Variants in ANXA8 observed in about 807,000 individuals in gnomAD.
ANXA8 encodes the protein annexin A8.
In ANXA8, 9 loss-of-function variants were observed where a neutral mutation model predicts 26.8. The ratio of observed to expected loss-of-function variants is 0.34; its 90% CI spans 0.20 to 0.59. The LOEUF is 0.59. Among genes scored for constraint, ANXA8 ranks in the 20% least tolerant of loss-of-function variants. The pLI, the probability that ANXA8 is intolerant of heterozygous loss-of-function variation, is 0.84. For synonymous variants in ANXA8, 39 were observed against 94.8 expected, an observed-to-expected ratio of 0.41 and a Z score of 3.42; for missense variants, 83 against 238.5, an observed-to-expected ratio of 0.35 and a Z score of 4.29.
At chr10:47,626,766 T>A in the ANXA8 span, among the ~76,000 whole-genome samples, 3 of 150,444 alleles carry the variant, frequency 2.0e-5, no homozygotes, top group East Asian at 3.9e-4. Flanking sequence ...CTATTGTCTA[T>A]GTTCATCAGG....
At chr10:47,743,315 C>CATATATATATACAT in the ANXA8 span, among the ~76,000 whole-genome samples, 1 of 60,014 alleles carries the variant, frequency 1.7e-5, no homozygotes, top group Non-Finnish European at 3.7e-5. Context: ...TATATATACA[C>CATATATATATACAT]ATATATATAT....
chr10:47,705,753 T>C, the ANXA8 span, among the ~76,000 whole-genome samples: 1 of 152,190 alleles, frequency 6.6e-6, no homozygotes, highest in East Asian at 1.9e-4. Flanking sequence ...TTTTTATTGA[T>C]GTAGGGAAAT....
the ANXA8 span, among the ~76,000 whole-genome samples, chr10:47,594,585 G>A: frequency 2.1e-5 from 3 of 143,360 alleles, no homozygotes; most frequent in Admixed American, 1.4e-4. Context: ...CTGAACTTCT[G>A]GAACTGAAAA....
the ANXA8 span, among the ~76,000 whole-genome samples, chr10:47,674,836 C>T: frequency 4.0e-5 from 6 of 151,798 alleles, no homozygotes; most frequent in Non-Finnish European, 7.4e-5. Flanking sequence ...GCTTTGGCCA[C>T]TGGGAGCTCT....
chr10:47,576,732 C>A, the ANXA8 span, among the ~76,000 whole-genome samples: 1 of 150,490 alleles, frequency 6.6e-6, no homozygotes, highest in East Asian at 1.9e-4. Flanking sequence ...GTTGCCCAGG[C>A]CAGTCTTGAA....
chr10:47,493,727 G>A, the ANXA8 span, among the ~76,000 whole-genome samples: 3 of 150,494 alleles, frequency 2.0e-5, no homozygotes, highest in Non-Finnish European at 2.9e-5. Flanking sequence ...GGGGACAACT[G>A]CCCTTCCCCC....
the ANXA8 span, among the ~76,000 whole-genome samples, chr10:47,698,446 T>C: frequency 6.8e-6 from 1 of 147,276 alleles, no homozygotes. Context: ...AATGGTGATA[T>C]CTTATATAAC....
chr10:47,490,377 G>A, the ANXA8 span: 40 of 145,026 alleles, frequency 2.8e-4, 1 homozygote, highest in African/African-American at 9.2e-4. Flanking sequence ...AAGTCCAGCG[G>A]AGTCAAAGGA....
At chr10:47,763,788 T>G in the ANXA8 span, among the ~76,000 whole-genome samples, 1 of 107,848 alleles carries the variant, frequency 9.3e-6, no homozygotes. Flanking sequence ...GGAGTGTGTG[T>G]GTGGGGGGGG....
the ANXA8 span, among the ~76,000 whole-genome samples, chr10:47,554,148 A>AAT: frequency 7.8e-6 from 1 of 128,890 alleles, no homozygotes; most frequent in African/African-American, 3.1e-5. Flanking sequence ...TAAATAAATA[A>AAT]AAATAAAGCC....
chr10:47,951,687 T>C, the ANXA8 span, among the ~76,000 whole-genome samples: 901 of 149,928 alleles, frequency 6.0e-3, 26 homozygotes, highest in African/African-American at 0.021. Context: ...GGTGTACGCA[T>C]GTAATCCCCG....
At chr10:47,623,186 G>A in the ANXA8 span, among the ~76,000 whole-genome samples, 1 of 106,664 alleles carries the variant, frequency 9.4e-6, no homozygotes. Flanking sequence ...CTTAGTAGGA[G>A]GTAGAAGTAA....
the ANXA8 span, among the ~76,000 whole-genome samples, chr10:47,735,633 A>G: frequency 6.0e-5 from 9 of 149,006 alleles, no homozygotes; most frequent in East Asian, 4.1e-4. Flanking sequence ...AGCCTCCTGC[A>G]TGTATCTACA....
At chr10:47,546,495 C>T in the ANXA8 span, among the ~76,000 whole-genome samples, 9 of 130,920 alleles carry the variant, frequency 6.9e-5, no homozygotes, top group South Asian at 2.5e-4. Context: ...CTCCGCCCCC[C>T]GGATTCATGC....
the ANXA8 span, among the ~76,000 whole-genome samples, chr10:47,778,617 T>C: frequency 6.6e-6 from 1 of 151,790 alleles, no homozygotes; most frequent in Non-Finnish European, 1.5e-5. Flanking sequence ...TTCTCTTTAT[T>C]TTTTTAAATA....
chr10:47,619,734 C>T, the ANXA8 span, among the ~76,000 whole-genome samples: 18 of 113,690 alleles, frequency 1.6e-4, 2 homozygotes, highest in African/African-American at 5.6e-4. Flanking sequence ...AACATAGCTT[C>T]TGGCATTTAT....
chr10:47,748,673 GA>G, the ANXA8 span, among the ~76,000 whole-genome samples: 18 of 151,886 alleles, frequency 1.2e-4, no homozygotes, highest in Non-Finnish European at 2.5e-4. Flanking sequence ...TTCTTTTGTA[GA>G]GGGGGGGGAT....
chr10:47,469,327 G>A (rs1446154498), intron 11 of ANXA8, among the ~76,000 whole-genome samples: 5 of 152,052 alleles, frequency 3.3e-5, no homozygotes, highest in African/African-American at 1.2e-4. Flanking sequence ...CTGGGGGCAG[G>A]GCCGGGGGTG....
At chr10:47,968,452 T>C in the ANXA8 span, among the ~76,000 whole-genome samples, 6 of 140,550 alleles carry the variant, frequency 4.3e-5, no homozygotes, top group East Asian at 2.0e-4. Context: ...ATTGCTTCCA[T>C]CATTACCAAA....
Sources: gnomAD v4.1 joint callset for allele counts (sites outside exome capture counted in the v4.1 genomes callset) on GRCh38, gnomAD v4.1.1 for gene constraint, MANE v1.5 for transcripts, NCBI Gene and HGNC (gene_info 2026-07-23, HGNC 2026-07-21) for gene names.